FHAD1: variants seen among roughly 807,000 people sequenced by gnomAD.
FHAD1 encodes the protein forkhead-associated domain-containing protein 1.
In FHAD1, 146 loss-of-function variants were observed where a neutral mutation model predicts 191.3. That is an observed-to-expected ratio of 0.76 (90% CI 0.67 to 0.88). FHAD1 has a LOEUF of 0.88. FHAD1 is among the 40% of genes least tolerant of loss of function. The pLI, the probability that FHAD1 is intolerant of heterozygous loss-of-function variation, is 0.00. For missense variants in FHAD1, 1,635 were observed against 1,785.8 expected (o/e 0.92, Z 1.52); for synonymous variants, 616 against 672.3 (o/e 0.92, Z 1.29).
Position 15,327,335 on chromosome 1 carries a change from C to T in FHAD1, c.1557+193C>T. 1 of 551,186 alleles carries T rather than the reference C, an allele frequency of 1.8e-6. No individual in the cohort carries two copies. The highest frequency in any genetic ancestry group is 2.5e-5 in the South Asian group (1 of 40,002). The allele number at this position is 551,186 out of a possible 1,614,324, so 34.1% of individuals were successfully genotyped here. A position where few individuals can be genotyped will look rare whatever the true frequency, so the allele number is the denominator to read the frequency against. The stretch of plus-strand genomic sequence containing the variant: ...CTTTTAAAGTAAAAGCCAGTTAAAA[C>T]TCCCTTGAAATGTGTCTGTGAAAAT... On this transcript the variant is annotated intron_variant, in intron 12 of 33. Coordinates refer to ENST00000688493, the MANE Select transcript of FHAD1 (RefSeq NM_001391957.1). This position sits in a 1 kb window ranked among gnomAD's most constrained non-coding sequence, Gnocchi z 5.1.
In FHAD1 at chr1:15,310,753, T is replaced by C. The variant is rs1672022541; in HGVS notation, c.1039+2017T>C. ...CGGGTTACGCTGCAGTGACAAACAG[T>C]CCCCCAAGTCTCAGTGGCTCACAAT... is the stretch of plus-strand genomic sequence containing the variant. On this transcript the variant is annotated intron_variant, in intron 7 of 33. Transcript: ENST00000688493. Among the ~76,000 whole-genome samples, 2 of 152,176 alleles carry C rather than the reference T, an allele frequency of 1.3e-5. 1 individual carries two copies. Among genetic ancestry groups the C allele is most frequent in the South Asian group, 4.2e-4 (2 of 4,812 alleles).
At chr1:15,265,969 T>TTA (rs1653285863) in intron 2 of FHAD1, among the ~76,000 whole-genome samples, 1 of 17,102 alleles carries the variant, frequency 5.8e-5, no homozygotes, top group Non-Finnish European at 9.0e-5. Context: ...AGACTCCATC[T>TTA]CAAAAAAAAA....
In FHAD1 at chr1:15,301,279, C is replaced by T. The variant is rs768186300; in HGVS notation, c.753C>T (p.Asp251=). 26 of 1,551,568 alleles carry T rather than the reference C, an allele frequency of 1.7e-5. No homozygotes were observed. The highest frequency in any genetic ancestry group is 7.8e-5 in the Admixed American group (4 of 50,980). The change falls in exon 6 of 34, where the codon GAC becomes GAT. Residue 251 remains aspartate, a synonymous_variant. Transcript: ENST00000688493. ...SDYEIESKYK[D]VIIANLQNEV... ...ATGAAATTGAATCCAAATACAAAGA[C>T]GTCATAATAGCAAACCTGCAGAATG...
chr1:15,398,229 A>T lies in FHAD1; in HGVS notation c.*816A>T, dbSNP rs544403957. 1 of 150,246 alleles carries T rather than the reference A, an allele frequency of 6.7e-6. No homozygotes were observed. Among genetic ancestry groups the T allele is most frequent in the Non-Finnish European group, 1.5e-5 (1 of 67,708 alleles). 9.3% of individuals were successfully genotyped at this position (150,246 alleles called of 1,614,324 possible). A position where few individuals can be genotyped will look rare whatever the true frequency, so the allele number is the denominator to read the frequency against. On this transcript the variant is annotated 3_prime_UTR_variant, in exon 34 of 34. Coordinates refer to ENST00000688493, the MANE Select transcript of FHAD1 (RefSeq NM_001391957.1). ...GAGGTGATGATTGCAGGGAGCCAAG[A>T]TCACACAACTGCACTCTAGCCTGAG...
chr1:15,350,542 A>G (rs759277018), intron 19 of FHAD1, among the ~76,000 whole-genome samples: 11 of 152,190 alleles, frequency 7.2e-5, no homozygotes, highest in Non-Finnish European at 1.5e-4. Flanking sequence ...AGTGGAAGGA[A>G]ATAGGTGGGA....
intron 5 of FHAD1, among the ~76,000 whole-genome samples, chr1:15,297,169 GTC>G (rs765555981): frequency 2.0e-5 from 3 of 152,328 alleles, no homozygotes; most frequent in East Asian, 3.9e-4. Flanking sequence ...TCACACCCAG[GTC>G]TGGTTAACTT....
chr1:15,293,646 A>T (rs1468973500), intron 4 of FHAD1, among the ~76,000 whole-genome samples: 2 of 152,158 alleles, frequency 1.3e-5, no homozygotes, highest in Non-Finnish European at 2.9e-5. Context: ...TGAACCCGGG[A>T]GGCAGAGGTT....
chr1:15,278,475 C>CTTTTTTTTTTTTTTTT lies in FHAD1; in HGVS notation c.300+5947_300+5962dup, dbSNP rs34110532. On this transcript the variant is annotated intron_variant, in intron 3 of 33. Coordinates refer to ENST00000688493, the MANE Select transcript of FHAD1 (RefSeq NM_001391957.1). The stretch of plus-strand genomic sequence containing the variant: ...ACGCTTTGAACAGTCTTCATTACCT[C>CTTTTTTTTTTTTTTTT]TTTTTTTTTTTTTTTTGAGACGGAG... Among the ~76,000 whole-genome samples, 248 of 124,286 alleles carry CTTTTTTTTTTTTTTTT rather than the reference C, an allele frequency of 2.0e-3. 11 individuals are homozygous for CTTTTTTTTTTTTTTTT. Among genetic ancestry groups the CTTTTTTTTTTTTTTTT allele is most frequent in the African/African-American group, 7.5e-3 (229 of 30,714 alleles). 81.5% of individuals were successfully genotyped at this position (124,286 alleles called of 152,430 possible). A position where few individuals can be genotyped will look rare whatever the true frequency, so the allele number is the denominator to read the frequency against.
chr1:15,267,320 A>G (rs1026535109), intron 2 of FHAD1, among the ~76,000 whole-genome samples: 1 of 152,226 alleles, frequency 6.6e-6, no homozygotes, highest in Non-Finnish European at 1.5e-5. Context: ...GTTGTGGTGT[A>G]TAATTATTTT....
At chr1:15,389,449 A>AAAAAAAAAAAAAAAAT (rs1703266487) in intron 32 of FHAD1, among the ~76,000 whole-genome samples, 1 of 142,118 alleles carries the variant, frequency 7.0e-6, no homozygotes, top group Admixed American at 7.0e-5. Context: ...ACCTGTCTCA[A>AAAAAAAAAAAAAAAAT]AAAAAAAAAA....
At chr1:15,323,536 G>A (rs1382196444) in intron 10 of FHAD1, among the ~76,000 whole-genome samples, 2 of 152,188 alleles carry the variant, frequency 1.3e-5, no homozygotes, top group Non-Finnish European at 2.9e-5. Flanking sequence ...TGTTTTACAT[G>A]AAATCTGTGT....
rs1324248784 is a variant in FHAD1, at chr1:15,358,291, G to A, written c.2736+8G>A. The A allele has an allele frequency of 1.4e-5, 22 of 1,522,384 alleles. No homozygotes were observed. The highest frequency in any genetic ancestry group is 3.8e-5 in the South Asian group (3 of 78,176). The allele number at this position is 1,522,384 out of a possible 1,614,324, so 94.3% of individuals were successfully genotyped here. The stretch of plus-strand genomic sequence containing the variant: ...ACTACCAAGACAAAAATGGTAAGTC[G>A]GTGCCTTCCGGGAACGGGAGAATTT... On this transcript the variant is annotated splice_region_variant and intron_variant, in intron 21 of 33. Transcript: ENST00000688493.
At chr1:15,272,273 C>T (rs920010853) in intron 2 of FHAD1, 50 bp from the exon 3 acceptor site, 2 of 1,493,330 alleles carry the variant, frequency 1.3e-6, no homozygotes, top group Admixed American at 2.0e-5. Context: ...CATTAGGGGC[C>T]GTGTCATTTT....
At position 15,362,591 on chromosome 1, in the gene FHAD1, A is replaced by C. The variant is rs1290287439; in HGVS notation, c.2963-51A>C. 4 of 1,447,858 alleles carry C rather than the reference A, an allele frequency of 2.8e-6. No homozygotes were observed. The South Asian group carries it at 3.7e-5, about 13-fold the overall frequency. 89.7% of individuals were successfully genotyped at this position (1,447,858 alleles called of 1,614,324 possible). On this transcript the variant is annotated intron_variant, in intron 22 of 33. Coordinates refer to ENST00000688493, the MANE Select transcript of FHAD1 (RefSeq NM_001391957.1). ...AAAGACACAGGTGTGCTTGTAAGCAAAGGGGAAGGACAGTTTCCTCTCACA... is the reference window on the plus strand; with the variant it reads ...AAAGACACAGGTGTGCTTGTAAGCACAGGGGAAGGACAGTTTCCTCTCACA...
chr1:15,389,708 C>G (rs1308627300), intron 32 of FHAD1, among the ~76,000 whole-genome samples: 3 of 152,134 alleles, frequency 2.0e-5, no homozygotes, highest in Non-Finnish European at 4.4e-5. Flanking sequence ...TCCTAAAAGA[C>G]AGCCTGACTC....
chr1:15,398,276 C>CA lies in FHAD1; in HGVS notation c.*881dup, dbSNP rs71000398. ...TGAGTGACAGAGCAAGACTCCATCTCAAAAAAAAAAAAAAAAAATCTGTTT... is the reference window on the plus strand; with the variant it reads ...TGAGTGACAGAGCAAGACTCCATCTCAAAAAAAAAAAAAAAAAAATCTGTTT... On this transcript the variant is annotated 3_prime_UTR_variant, in exon 34 of 34. Coordinates refer to ENST00000688493, the MANE Select transcript of FHAD1 (RefSeq NM_001391957.1). 22,968 of 108,802 alleles carry CA rather than the reference C, an allele frequency of 0.21. 2,398 individuals carry two copies. The highest frequency in any genetic ancestry group is 0.23 in the Non-Finnish European group (12,752 of 54,442). 6.7% of individuals were successfully genotyped at this position (108,802 alleles called of 1,614,324 possible).
chr1:15,272,723 G>T (rs1042642411), intron 3 of FHAD1, among the ~76,000 whole-genome samples, 194 bp downstream of exon 3: 1 of 152,210 alleles, frequency 6.6e-6, no homozygotes, highest in Non-Finnish European at 1.5e-5. Context: ...GAGAATCTTA[G>T]CACCCTCTTC....
chr1:15,392,314 C>T (rs551079002), intron 33 of FHAD1, among the ~76,000 whole-genome samples: 35 of 152,246 alleles, frequency 2.3e-4, no homozygotes, highest in African/African-American at 6.3e-4. Flanking sequence ...GGGCGGATCA[C>T]GAGGTCAGGA....
chr1:15,382,060 C>T lies in FHAD1; in HGVS notation c.4055C>T (p.Ser1352Leu). The change falls in exon 31 of 34, where the codon TCG (serine) becomes TTG (leucine). Residue 1352 changes from serine to leucine, a missense_variant. Ser to Leu is a moderately radical substitution (Grantham distance 145). Transcript: ENST00000688493. ...RSKVSIEMYQ[S>L]QVAKLEDDIY... ...AAAGTGTCCATTGAGATGTACCAGTCGCAGGTGGCAAAGCTGGAGGATGAT... is the reference window on the plus strand; with the variant it reads ...AAAGTGTCCATTGAGATGTACCAGTTGCAGGTGGCAAAGCTGGAGGATGAT... The T allele has an allele frequency of 4.5e-6, 7 of 1,552,066 alleles. No individual in the cohort carries two copies. The highest frequency in any genetic ancestry group is 6.1e-6 in the Non-Finnish European group (7 of 1,147,096).
Sources: allele counts gnomAD v4.1 joint callset (sites outside exome capture counted in the v4.1 genomes callset), GRCh38; gene constraint gnomAD v4.1.1; non-coding constraint Gnocchi (gnomAD v3.1); transcripts MANE v1.5; gene names NCBI Gene and HGNC (gene_info 2026-07-23, HGNC 2026-07-21).